HERC3: variants seen among roughly 807,000 people sequenced by gnomAD.
HERC3 encodes the protein HECT and RLD domain containing E3 ubiquitin protein ligase 3.
Under a neutral mutation model 129.9 loss-of-function variants are expected in HERC3, and 58 were observed. The ratio of observed to expected loss-of-function variants is 0.45; its 90% confidence interval spans 0.36 to 0.56. The LOEUF is 0.56. Ranked by LOEUF, HERC3 falls within the 20% of genes least tolerant of loss-of-function variation. HERC3 has a pLI of 0.00. For synonymous variants in HERC3, 430 were observed against 451.0 expected (o/e 0.95, Z 0.59); for missense variants, 835 against 1,244.2 (o/e 0.67, Z 4.95).
At chr4:88,549,004 T>C in the HERC3 span, among the ~76,000 whole-genome samples, 2 of 152,136 alleles carry the variant, frequency 1.3e-5, no homozygotes, top group Non-Finnish European at 2.9e-5. Flanking sequence ...GTACAGTTTT[T>C]CTATTATTTT....
chr4:88,645,312 G>A (rs780046665), intron 3 of HERC3, among the ~76,000 whole-genome samples: 2 of 152,126 alleles, frequency 1.3e-5, no homozygotes, highest in Non-Finnish European at 2.9e-5. Context: ...CCTACAATAT[G>A]TCTCTGTCTT....
Position 88,632,141 on chromosome 4 carries a change from C to G in HERC3, c.227-17699C>G, listed in dbSNP as rs544102931. Among the ~76,000 whole-genome samples the G allele has an allele frequency of 3.6e-4, 55 of 152,278 alleles. 2 individuals are homozygous for G. In the South Asian group the frequency reaches 8.3e-3, roughly 23 times the overall value. ...TCACAGAGAGCCCATGAATGCAACTCCATATAGTTATCCATGAACTCTTTG... is the reference window on the plus strand; with the variant it reads ...TCACAGAGAGCCCATGAATGCAACTGCATATAGTTATCCATGAACTCTTTG... On this transcript the variant is annotated intron_variant, in intron 3 of 25. Coordinates refer to ENST00000402738, the MANE Select transcript of HERC3 (RefSeq NM_014606.3).
At chr4:88,647,511 C>T (rs1289494927) in intron 3 of HERC3, among the ~76,000 whole-genome samples, 1 of 152,182 alleles carries the variant, frequency 6.6e-6, no homozygotes, top group East Asian at 1.9e-4. Context: ...CCTTTGATAG[C>T]GTTCCTTACA....
At chr4:88,568,331 G>A in the HERC3 span, among the ~76,000 whole-genome samples, 33 of 152,268 alleles carry the variant, frequency 2.2e-4, no homozygotes, top group African/African-American at 6.3e-4. Context: ...AGCAGGTGGT[G>A]AGTCCCGCCA....
chr4:88,553,368 A>C, the HERC3 span, among the ~76,000 whole-genome samples: 1 of 152,180 alleles, frequency 6.6e-6, no homozygotes, highest in Non-Finnish European at 1.5e-5. Flanking sequence ...CACATGAGCT[A>C]ACTTGAAAGG....
At chr4:88,702,790 A>G (rs987584902) in intron 23 of HERC3, among the ~76,000 whole-genome samples, 2 of 152,164 alleles carry the variant, frequency 1.3e-5, no homozygotes, top group South Asian at 2.1e-4. Context: ...TACATTTTCA[A>G]CTTATCTAGA....
chr4:88,681,450 T>G (rs1578305976), intron 21 of HERC3, 125 bp downstream of exon 21: 2 of 767,798 alleles, frequency 2.6e-6, no homozygotes, highest in Non-Finnish European at 4.2e-6. Flanking sequence ...GACCCTGTTA[T>G]GTGTGTTTTG....
chr4:88,580,843 G>T, the HERC3 span, among the ~76,000 whole-genome samples: 2 of 152,170 alleles, frequency 1.3e-5, no homozygotes, highest in Admixed American at 6.5e-5. Context: ...TTGGTAAGAG[G>T]TTGAGGCAGA....
At chr4:88,681,048 A>T (rs1732719849) in intron 20 of HERC3, 111 bp from the exon 21 acceptor site, 1 of 1,462,926 alleles carries the variant, frequency 6.8e-7, no homozygotes, top group Non-Finnish European at 9.0e-7. Context: ...ACTAAATATT[A>T]ATGAGACCTT....
the HERC3 span, among the ~76,000 whole-genome samples, chr4:88,545,263 A>G: frequency 1.3e-5 from 2 of 152,136 alleles, no homozygotes; most frequent in Admixed American, 1.3e-4. Context: ...CTCTGTGCCC[A>G]CAGAAATTAA....
At chr4:88,601,854 A>C (rs1353333872) in intron 2 of HERC3, among the ~76,000 whole-genome samples, 1 of 92,976 alleles carries the variant, frequency 1.1e-5, no homozygotes, top group Admixed American at 9.1e-5. Context: ...CAGGAGATCG[A>C]GACCATCCCG....
the HERC3 span, among the ~76,000 whole-genome samples, chr4:88,541,870 CA>C: frequency 6.6e-5 from 10 of 152,124 alleles, no homozygotes; most frequent in South Asian, 1.9e-3. Context: ...AAAATGAAGG[CA>C]GAAATAAAGA....
chr4:88,528,069 C>A, the HERC3 span: 1 of 296,720 alleles, frequency 3.4e-6, no homozygotes. Context: ...ATATCAGAAT[C>A]ATCACCATCT....
At chr4:88,595,526 T>C (rs1460829964) in intron 1 of HERC3, 31 bp from the exon 2 acceptor site, 1 of 152,264 alleles carries the variant, frequency 6.6e-6, no homozygotes, top group East Asian at 1.9e-4. Flanking sequence ...AGTTCCATAC[T>C]AATGTTATTT....
At chr4:88,557,938 G>T in the HERC3 span, among the ~76,000 whole-genome samples, 13 of 151,634 alleles carry the variant, frequency 8.6e-5, no homozygotes, top group South Asian at 2.3e-3. Context: ...AGGCATGGTG[G>T]TGCATGCCTG....
At chr4:88,646,760 A>C (rs1299084000) in intron 3 of HERC3, among the ~76,000 whole-genome samples, 1 of 152,192 alleles carries the variant, frequency 6.6e-6, no homozygotes, top group Non-Finnish European at 1.5e-5. Context: ...ATTCTAGAAG[A>C]GGGATCATAG....
chr4:88,608,876 G>C (rs1211869456), intron 3 of HERC3, among the ~76,000 whole-genome samples: 2 of 152,234 alleles, frequency 1.3e-5, no homozygotes, highest in Non-Finnish European at 2.9e-5. Flanking sequence ...GCCAGCCTTT[G>C]AAGGGAGTAT....
At chr4:88,584,880 T>G in the HERC3 span, among the ~76,000 whole-genome samples, 74 of 152,370 alleles carry the variant, frequency 4.9e-4, no homozygotes, top group African/African-American at 1.7e-3. Context: ...TCAAGAGGGA[T>G]CTGGGTGACA....
the HERC3 span, among the ~76,000 whole-genome samples, chr4:88,552,926 G>C: frequency 6.6e-6 from 1 of 152,098 alleles, no homozygotes. Context: ...TATTGGACTG[G>C]ATTATCCATC....
Sources: gnomAD v4.1 joint callset for allele counts (sites outside exome capture counted in the v4.1 genomes callset) on GRCh38, gnomAD v4.1.1 for gene constraint, MANE v1.5 for transcripts, NCBI Gene and HGNC (gene_info 2026-07-23, HGNC 2026-07-21) for gene names.